Variants in EBF4 observed in about 807,000 individuals in gnomAD.
EBF4 encodes EBF transcription factor 4.
EBF4 carries 34 observed loss-of-function variants against 67.1 expected under a neutral mutation model. That is an observed-to-expected ratio of 0.51 (90% CI 0.39 to 0.67). The LOEUF is 0.67. Ranked by LOEUF, EBF4 falls within the 30% of genes least tolerant of loss-of-function variation. The pLI is 0.00. For synonymous variants in EBF4, 387 were observed against 377.7 expected (o/e 1.02, Z -0.29); for missense variants, 837 against 873.3 (o/e 0.96, Z 0.52).
intron 6 of EBF4, among the ~76,000 whole-genome samples, chr20:2,722,265 A>G (rs1485873136): frequency 1.3e-5 from 2 of 150,618 alleles, no homozygotes; most frequent in Admixed American, 6.6e-5. Context: ...ATTATTCCTC[A>G]CTACTAAAGT....
At chr20:2,731,156 CA>C (rs1475517973) in intron 6 of EBF4, among the ~76,000 whole-genome samples, 1 of 152,214 alleles carries the variant, frequency 6.6e-6, no homozygotes. Flanking sequence ...CTCAGCCTCC[CA>C]AAGCGCTGGG....
At chr20:2,737,179 G>A (rs977818640) in intron 6 of EBF4, among the ~76,000 whole-genome samples, 8 of 151,482 alleles carry the variant, frequency 5.3e-5, no homozygotes, top group Non-Finnish European at 8.8e-5. Flanking sequence ...GAACCCGGGA[G>A]GCGGAGCTTG....
exon 16 of EBF4, chr20:2,758,953 G>A (rs1412115344): frequency 2.6e-6 from 4 of 1,551,678 alleles, no homozygotes; most frequent in Admixed American, 3.9e-5. Context: ...TCCAGCCCGG[G>A]GGCTTCAGGG....
chr20:2,759,021 C>T lies in EBF4; in HGVS notation c.*5+37C>T, dbSNP rs1318610764. ...GCTGGGTCTGGCCTCCCCCGCCCCA[C>T]CTGGCCCTGAGATGTGCTTGCTCTC... On this transcript the variant is annotated intron_variant, in intron 16 of 16. Transcript: ENST00000609451. 1.6e-5 allele frequency: 25 copies of T among 1,532,434 alleles called. No homozygotes were observed. In the Admixed American group the frequency reaches 3.3e-4, roughly 20 times the overall value. The allele number at this position is 1,532,434 out of a possible 1,614,324, so 94.9% of individuals were successfully genotyped here.
chr20:2,752,171 C>T, exon 13 of EBF4: 7 of 1,442,958 alleles, frequency 4.9e-6, no homozygotes, highest in Non-Finnish European at 5.4e-6. Context: ...CCCCTGGCCC[C>T]GAGCCACCCA....
Position 2,693,928 on chromosome 20 carries a change from A to C in EBF4, c.137+146A>C, listed in dbSNP as rs1372793391. ...GAGCTCCCCGGCCCACCCCGTCCGG[A>C]GTGCCTGTGCTGCCTCCTGAGGCTG... On this transcript the variant is annotated intron_variant, in intron 1 of 16. Transcript: ENST00000609451. This position sits in a 1 kb window ranked among gnomAD's most constrained non-coding sequence, Gnocchi z 4.6. 2.7e-6 allele frequency: 3 copies of C among 1,105,508 alleles called. No homozygotes were observed. Among genetic ancestry groups the C allele is most frequent in the Admixed American group, 8.5e-5 (2 of 23,460 alleles). The allele number at this position is 1,105,508 out of a possible 1,614,324, so 68.5% of individuals were successfully genotyped here. A position where few individuals can be genotyped will look rare whatever the true frequency, so the allele number is the denominator to read the frequency against.
At chr20:2,716,835 T>C (rs1380451190) in intron 6 of EBF4, among the ~76,000 whole-genome samples, 2 of 152,252 alleles carry the variant, frequency 1.3e-5, no homozygotes, top group East Asian at 3.8e-4. Flanking sequence ...TTTGATCTAT[T>C]TGATAACTCC....
rs2088070038 is a variant in EBF4 at position 2,747,535 on chromosome 20, GTC to G, written c.558-1010_558-1009del. ...ATGTAAAAAAGAAGACATTCACGGT[GTC>G]TCTGTACCACATGTCTGACAGATAC... is the stretch of plus-strand genomic sequence containing the variant. On this transcript the variant is annotated intron_variant, in intron 6 of 16. Coordinates refer to ENST00000609451, the Ensembl canonical transcript of EBF4. This position sits in a 1 kb window ranked among gnomAD's most constrained non-coding sequence, Gnocchi z 4.6. 6.6e-6 allele frequency among the ~76,000 whole-genome samples: 1 copy of G among 152,110 alleles called. No homozygotes were observed. The highest frequency in any genetic ancestry group is 2.1e-4 in the South Asian group (1 of 4,824).
At chr20:2,693,134 T>C, upstream of EBF4, 1 of 144,772 alleles carries the variant, frequency 6.9e-6, no homozygotes, top group Non-Finnish European at 1.5e-5. The surrounding 1 kb of genome is among the most constrained non-coding windows in gnomAD (Gnocchi z 4.6). Flanking sequence ...GCCCGCAGCC[T>C]CCGCCTCCCG....
Position 2,758,294 on chromosome 20 carries a change from ACT to A in EBF4, c.1739-612_1739-611del, listed in dbSNP as rs1414225270. 7.2e-5 allele frequency among the ~76,000 whole-genome samples: 11 copies of A among 152,190 alleles called. No homozygotes were observed. The East Asian group carries it at 2.1e-3, about 29-fold the overall frequency. ...ACGTCACATGCCCCAGAATAAGATG[ACT>A]CTTAAGATGGGCTTATTTGATAATG... On this transcript the variant is annotated intron_variant, in intron 15 of 16. Coordinates refer to ENST00000609451, the Ensembl canonical transcript of EBF4.
Position 2,706,281 on chromosome 20 carries a change from G to T in EBF4, c.414+17G>T. 6.4e-7 allele frequency: 1 copy of T among 1,551,554 alleles called. No individual in the cohort carries two copies. The highest frequency in any genetic ancestry group is 2.0e-5 in the Admixed American group (1 of 50,986). On this transcript the variant is annotated intron_variant, in intron 4 of 16. Transcript: ENST00000609451. The stretch of plus-strand genomic sequence containing the variant: ...TCCAAACAGGTGAGTCAGCGCAGAG[G>T]GTGCTGAGGCCCATCTCACTCTCTT...
At chr20:2,741,198 C>G (rs1028409) in intron 6 of EBF4, among the ~76,000 whole-genome samples, 102,986 of 151,966 alleles carry the variant, frequency 0.68, 36,756 homozygotes, top group African/African-American at 0.9. Context: ...TGTAGTCCCA[C>G]CTGCTCAGGA....
Position 2,709,615 on chromosome 20 carries a change from C to T in EBF4, c.530C>T (p.Thr177Met), listed in dbSNP as rs1427645750. 7.1e-6 allele frequency: 11 copies of T among 1,556,044 alleles called. No individual in the cohort carries two copies. Among genetic ancestry groups the T allele is most frequent in the Admixed American group, 3.9e-5 (2 of 51,814 alleles). ...AAGAGCTGTGGCAACCGGAATGAGA[C>T]GCCCTCAGACCCCGTCATCATTGAC... Residue 177 changes from threonine (T) to methionine (M), a missense_variant, in exon 6 of 17, where the codon ACG (threonine) becomes ATG (methionine). Coordinates refer to ENST00000609451, the Ensembl canonical transcript of EBF4.
intron 6 of EBF4, among the ~76,000 whole-genome samples, chr20:2,726,290 A>C (rs1374981962): frequency 3.9e-5 from 6 of 152,172 alleles, no homozygotes; most frequent in Admixed American, 3.9e-4. Context: ...TAATCCCAGC[A>C]CTTTGGGAGG....
intron 6 of EBF4, among the ~76,000 whole-genome samples, chr20:2,717,880 A>G (rs2087631342): frequency 1.3e-5 from 2 of 150,452 alleles, no homozygotes; most frequent in East Asian, 2.0e-4. Flanking sequence ...GCATGATTGC[A>G]GCTTACTGCA....
At chr20:2,759,050 AG>A in intron 16 of EBF4, 66 bp downstream of exon 16, 2 of 1,442,886 alleles carry the variant, frequency 1.4e-6, no homozygotes, top group Non-Finnish European at 1.9e-6. Flanking sequence ...TGCTCTCTAA[AG>A]GCCTTCATCC....
downstream of EBF4, chr20:2,759,395 GGAGAGGCC>G: frequency 5.0e-6 from 1 of 201,720 alleles, no homozygotes. Flanking sequence ...AGCTGAACGG[GGAGAGGCC>G]TTCACCCCAT....
At chr20:2,729,833 G>A (rs930966507) in intron 6 of EBF4, among the ~76,000 whole-genome samples, 9 of 152,200 alleles carry the variant, frequency 5.9e-5, no homozygotes, top group African/African-American at 2.2e-4. Context: ...CCTGAGGTGG[G>A]GATTCAATTT....
downstream of EBF4, chr20:2,759,395 G>C: frequency 5.0e-6 from 1 of 201,718 alleles, no homozygotes; most frequent in Non-Finnish European, 9.9e-6. Flanking sequence ...AGCTGAACGG[G>C]GAGAGGCCTT....
Sources: allele counts gnomAD v4.1 joint callset (sites outside exome capture counted in the v4.1 genomes callset), GRCh38; gene constraint gnomAD v4.1.1; non-coding constraint Gnocchi (gnomAD v3.1); transcripts MANE v1.5; gene names NCBI Gene and HGNC (gene_info 2026-07-23, HGNC 2026-07-21).